KDM4C: variants seen among roughly 807,000 people sequenced by gnomAD.
KDM4C encodes lysine-specific demethylase 4C.
In KDM4C, 81 loss-of-function variants were observed where a neutral mutation model predicts 129.3. The ratio of observed to expected loss-of-function variants is 0.63; its 90% confidence interval spans 0.52 to 0.75. The LOEUF is 0.75. Among genes scored for constraint, KDM4C ranks in the 30% least tolerant of loss-of-function variants. KDM4C has a pLI of 0.00. For missense variants in KDM4C, 1,457 were observed against 1,304.0 expected (o/e 1.12, Z -1.81); for synonymous variants, 573 against 456.1 (o/e 1.26, Z -3.26).
intron 17 of KDM4C, among the ~76,000 whole-genome samples, chr9:7,053,286 C>G (rs1000649948): frequency 6.6e-6 from 1 of 152,188 alleles, no homozygotes; most frequent in African/African-American, 2.4e-5. Context: ...GAGCTTCAAC[C>G]TACAGCTTTT....
chr9:6,950,077 G>GCT (rs1554661763), intron 8 of KDM4C, among the ~76,000 whole-genome samples: 2 of 131,282 alleles, frequency 1.5e-5, no homozygotes, highest in African/African-American at 5.7e-5. Flanking sequence ...ATCTTTTCTT[G>GCT]TTTTTTTTTT....
chr9:6,740,363 C>T (rs1397342836), intron 1 of KDM4C, among the ~76,000 whole-genome samples: 3 of 152,038 alleles, frequency 2.0e-5, no homozygotes, highest in African/African-American at 7.2e-5. Context: ...GTCACCCCAC[C>T]TGGCTAATTT....
At chr9:6,846,692 C>G (rs1382624334) in intron 4 of KDM4C, among the ~76,000 whole-genome samples, 1 of 152,090 alleles carries the variant, frequency 6.6e-6, no homozygotes, top group Non-Finnish European at 1.5e-5. Flanking sequence ...TGCCCATTAA[C>G]GGGGAGAAAT....
Position 6,838,643 on chromosome 9 carries a change from GGTT to G in KDM4C, c.436-10856_436-10854del, listed in dbSNP as rs534891905. Among the ~76,000 whole-genome samples, 94 of 152,228 alleles carry G rather than the reference GGTT, an allele frequency of 6.2e-4. 1 individual carries two copies. Among genetic ancestry groups the G allele is most frequent in the African/African-American group, 2.0e-3 (84 of 41,534 alleles). On this transcript the variant is annotated intron_variant, in intron 4 of 21. Transcript: ENST00000381309. ...TTTCTTTCAAAACTTGCTATATGAT[GGTT>G]GTTGTTGAGAATTCTAAAACAGAAA...
chr9:6,888,489 C>A (rs189718114), intron 7 of KDM4C, among the ~76,000 whole-genome samples: 1 of 152,084 alleles, frequency 6.6e-6, no homozygotes, highest in Non-Finnish European at 1.5e-5. Flanking sequence ...ATAATACAAT[C>A]GAGATTTCAT....
At chr9:7,137,534 T>C (rs980228644) in intron 19 of KDM4C, among the ~76,000 whole-genome samples, 1 of 152,242 alleles carries the variant, frequency 6.6e-6, no homozygotes, top group African/African-American at 2.4e-5. Context: ...TTGCTGTAAT[T>C]TTATTTTTAT....
At chr9:7,159,845 T>G (rs573457041) in intron 19 of KDM4C, among the ~76,000 whole-genome samples, 3 of 152,280 alleles carry the variant, frequency 2.0e-5, no homozygotes, top group East Asian at 3.9e-4. Flanking sequence ...CTTTGTGGTG[T>G]TCTCTGTATT....
At chr9:7,098,497 G>A (rs575954924) in intron 17 of KDM4C, among the ~76,000 whole-genome samples, 4 of 152,256 alleles carry the variant, frequency 2.6e-5, no homozygotes, top group African/African-American at 9.6e-5. Flanking sequence ...AGAGACAGAG[G>A]ACTTATCATG....
intron 19 of KDM4C, among the ~76,000 whole-genome samples, chr9:7,138,998 G>A (rs577884603): frequency 6.6e-6 from 1 of 151,956 alleles, no homozygotes; most frequent in Non-Finnish European, 1.5e-5. Context: ...TAGGCCAGGC[G>A]CAGTGGCTGA....
chr9:6,807,848 G>T (rs1184801970), intron 3 of KDM4C, among the ~76,000 whole-genome samples: 1 of 147,420 alleles, frequency 6.8e-6, no homozygotes, highest in East Asian at 2.0e-4. Flanking sequence ...GAGGTTGGGG[G>T]TCAGCCCCCC....
At chr9:7,007,223 A>G (rs559535468) in intron 12 of KDM4C, among the ~76,000 whole-genome samples, 3 of 152,310 alleles carry the variant, frequency 2.0e-5, no homozygotes, top group Non-Finnish European at 4.4e-5. Flanking sequence ...AAAGGCTTAC[A>G]TAGATTTGAG....
intron 12 of KDM4C, among the ~76,000 whole-genome samples, chr9:6,991,638 C>G (rs931728894): frequency 6.6e-6 from 1 of 152,148 alleles, no homozygotes; most frequent in Non-Finnish European, 1.5e-5. Flanking sequence ...TAACAAGAAG[C>G]TCAAGTTTCT....
At chr9:6,893,066 C>G (rs1172177569) in intron 7 of KDM4C, 29 bp from the exon 8 acceptor site, 9 of 1,408,568 alleles carry the variant, frequency 6.4e-6, no homozygotes, top group Middle Eastern at 1.9e-4. Flanking sequence ...CTTATTTTTA[C>G]AAAATATTAT....
At chr9:6,869,811 C>T (rs565593054) in intron 5 of KDM4C, among the ~76,000 whole-genome samples, 1 of 152,238 alleles carries the variant, frequency 6.6e-6, no homozygotes, top group Non-Finnish European at 1.5e-5. Context: ...GCAGCATCCC[C>T]TATAGCCATG....
chr9:6,868,693 C>T lies in KDM4C; in HGVS notation c.630-11319C>T, dbSNP rs148934006. Among the ~76,000 whole-genome samples the T allele has an allele frequency of 2.7e-3, 415 of 151,964 alleles. 2 individuals carry two copies. Among genetic ancestry groups the T allele is most frequent in the African/African-American group, 9.5e-3 (393 of 41,440 alleles). On this transcript the variant is annotated intron_variant, in intron 5 of 21. Coordinates refer to ENST00000381309, the MANE Select transcript of KDM4C (RefSeq NM_015061.6). The stretch of plus-strand genomic sequence containing the variant: ...ATGTTCAGTACAGACACGACCGTTT[C>T]CCCTCCACGTATTTTTGATCTGTGA...
intron 6 of KDM4C, among the ~76,000 whole-genome samples, chr9:6,884,622 A>G (rs1485007527): frequency 3.9e-5 from 6 of 152,190 alleles, no homozygotes; most frequent in South Asian, 4.1e-4. Context: ...ATAGATCTAC[A>G]TGTTTGATTT....
chr9:6,752,334 A>G (rs1329035398), intron 1 of KDM4C, among the ~76,000 whole-genome samples: 1 of 110,560 alleles, frequency 9.0e-6, no homozygotes, highest in East Asian at 2.7e-4. Flanking sequence ...CTCCGTCTCA[A>G]AAAAAAAAAA....
rs767764176 is a variant in KDM4C at position 7,013,959 on chromosome 9, C to G, written c.2140C>G (p.Leu714Val). The G allele has an allele frequency of 3.1e-6, 5 of 1,613,948 alleles. No homozygotes were observed. The highest frequency in any genetic ancestry group is 4.2e-6 in the Non-Finnish European group (5 of 1,179,870). The stretch of plus-strand genomic sequence containing the variant: ...CTTCCTTGAAGAGGATGGAACAAGT[C>G]TCCTTATTTCCTGTGCAAAGTGCTG... ...NAFLEEDGTS[L>V]LISCAKCCVR... is the part of the protein sequence containing the mutation. The change falls in exon 14 of 22, where the codon CTC (leucine) becomes GTC (valine). Residue 714 changes from leucine (L) to valine (V), a missense_variant. Transcript: ENST00000381309.
chr9:6,808,178 C>T (rs1197354233), intron 3 of KDM4C, among the ~76,000 whole-genome samples: 26 of 66,774 alleles, frequency 3.9e-4, no homozygotes, highest in East Asian at 3.5e-3. Flanking sequence ...CGGCCACCAC[C>T]CCGTCTGGGA....
Sources: allele counts gnomAD v4.1 joint callset (sites outside exome capture counted in the v4.1 genomes callset), GRCh38; gene constraint gnomAD v4.1.1; transcripts MANE v1.5; gene names NCBI Gene and HGNC (gene_info 2026-07-23, HGNC 2026-07-21).